The following ACADL variants were observed in gnomAD, a reference collection of about 807,000 sequenced individuals.
The protein encoded by ACADL is long-chain specific acyl-CoA dehydrogenase, mitochondrial.
A neutral mutation model predicts 56.9 loss-of-function variants in ACADL; 60 were observed. That is an observed-to-expected ratio of 1.05 (90% CI 0.86 to 1.31). The LOEUF is 1.31. ACADL is among the 50% of genes most tolerant of loss of function. The pLI is 0.00. For missense variants in ACADL, 484 were observed against 525.5 expected, an observed-to-expected ratio of 0.92 and a Z score of 0.77; for synonymous variants, 158 against 179.7, an observed-to-expected ratio of 0.88 and a Z score of 0.97.
At chr2:210,219,362 G>A (rs965644339) in intron 2 of ACADL, among the ~76,000 whole-genome samples, 1 of 152,168 alleles carries the variant, frequency 6.6e-6, no homozygotes, top group Non-Finnish European at 1.5e-5. Flanking sequence ...ACTTTGGGAG[G>A]CTAAGGCAGG....
At chr2:210,193,680 G>T (rs909729949) in intron 9 of ACADL, among the ~76,000 whole-genome samples, 3 of 151,666 alleles carry the variant, frequency 2.0e-5, no homozygotes, top group Admixed American at 1.3e-4. Flanking sequence ...TTGTGAGTCT[G>T]TTTTAGTGAT....
chr2:210,220,657 G>A lies in ACADL; in HGVS notation c.223C>T (p.His75Tyr), dbSNP rs751540610. Residue 75 changes from histidine (H) to tyrosine (Y), a missense_variant, in exon 2 of 11, where the codon CAT becomes TAT. By Grantham distance (83) the His-to-Tyr change is moderately conservative. Coordinates refer to ENST00000233710, the MANE Select transcript of ACADL (RefSeq NM_001608.4). ...RKFFQEEVIPHHSEWEKAGEV... is the reference protein window; with the variant it reads ...RKFFQEEVIPYHSEWEKAGEV... ...AAATGTGCCACTTACTCTGAGTGAT[G>A]AGGAATCACTTCTTCTTGGAAAAAC... The A allele has an allele frequency of 5.0e-6, 8 of 1,613,044 alleles. No individual in the cohort carries two copies. In the East Asian group the frequency reaches 1.8e-4, roughly 36 times the overall value.
intron 2 of ACADL, among the ~76,000 whole-genome samples, chr2:210,219,496 A>T (rs1689141502): frequency 6.6e-6 from 1 of 152,130 alleles, no homozygotes; most frequent in African/African-American, 2.4e-5. Context: ...CAAACAAACA[A>T]GTCCTCAAAA....
chr2:210,224,983 AC>A (rs1430577667), intron 1 of ACADL: 1 of 1,391,836 alleles, frequency 7.2e-7, no homozygotes, highest in Admixed American at 3.4e-5. Context: ...CACGGCTGAC[AC>A]CCCTTTTTCC....
At position 210,220,772 on chromosome 2, in the gene ACADL, T is replaced by C. The variant is rs1306336816; in HGVS notation, c.108A>G (p.Leu36=). Residue 36 remains leucine, a synonymous_variant, in exon 2 of 11, where the codon CTA becomes CTG. Coordinates refer to ENST00000233710, the MANE Select transcript of ACADL (RefSeq NM_001608.4). ...TTAATTTTTTAGCAGAAGGAGTTTCTAGACGTTCTTCCCCTCCGGAATGAG... is the reference window on the plus strand; with the variant it reads ...TTAATTTTTTAGCAGAAGGAGTTTCCAGACGTTCTTCCCCTCCGGAATGAG... ...RCSHSGGEER[L]ETPSAKKLTD... 1.2e-6 allele frequency: 2 copies of C among 1,610,448 alleles called. No individual in the cohort carries two copies. Among genetic ancestry groups the C allele is most frequent in the Non-Finnish European group, 1.7e-6 (2 of 1,178,218 alleles).
intron 1 of ACADL, among the ~76,000 whole-genome samples, chr2:210,221,691 T>A (rs575020861): frequency 6.6e-6 from 1 of 152,026 alleles, no homozygotes; most frequent in East Asian, 1.9e-4. Flanking sequence ...AAAGGGTTTT[T>A]AAAAAAATAA....
rs201509622 is a variant in ACADL at position 210,212,135 on chromosome 2, ATT to A, written c.537-1875_537-1874del. ...GGCGTGAGCCACCGCACCTGGTTGC[ATT>A]TTTTTTTTTTTTAAATCACTCTCTG... On this transcript the variant is annotated intron_variant, in intron 4 of 10. Coordinates refer to ENST00000233710, the MANE Select transcript of ACADL (RefSeq NM_001608.4). Among the ~76,000 whole-genome samples the A allele has an allele frequency of 1.2e-3, 173 of 145,674 alleles. 1 individual carries two copies. The highest frequency in any genetic ancestry group is 2.9e-3 in the African/African-American group (115 of 39,500).
intron 1 of ACADL, among the ~76,000 whole-genome samples, chr2:210,224,154 G>A (rs1689227132): frequency 6.7e-6 from 1 of 150,020 alleles, no homozygotes; most frequent in African/African-American, 2.5e-5. Context: ...CACGGGAGGC[G>A]GAGGTTGCAG....
chr2:210,198,640 A>G (rs1688748758), intron 8 of ACADL, among the ~76,000 whole-genome samples: 1 of 152,124 alleles, frequency 6.6e-6, no homozygotes, highest in Admixed American at 6.6e-5. Flanking sequence ...TAAAGAGTGT[A>G]GGTTCTGGAA....
chr2:210,220,507 G>T (rs1575682502), intron 2 of ACADL, 140 bp downstream of exon 2: 1 of 718,892 alleles, frequency 1.4e-6, no homozygotes, highest in East Asian at 2.7e-5. Flanking sequence ...GGATCTTATA[G>T]TACTACAGTG....
At chr2:210,194,941 T>G (rs1688684008) in intron 9 of ACADL, among the ~76,000 whole-genome samples, 1 of 152,192 alleles carries the variant, frequency 6.6e-6, no homozygotes, top group Non-Finnish European at 1.5e-5. Flanking sequence ...CCACTCTTAA[T>G]ATTTTATTTT....
At chr2:210,190,097 A>T (rs2125707468) in intron 10 of ACADL, among the ~76,000 whole-genome samples, 1 of 152,156 alleles carries the variant, frequency 6.6e-6, no homozygotes, top group South Asian at 2.1e-4. Flanking sequence ...AAGACAAATT[A>T]AATGTGCCAG....
intron 3 of ACADL, 49 bp downstream of exon 3, chr2:210,217,916 G>A (rs2125717510): frequency 1.2e-6 from 2 of 1,601,886 alleles, no homozygotes; most frequent in Non-Finnish European, 1.7e-6. Flanking sequence ...AGAAAGGTGA[G>A]TGGTGTGTTT....
At chr2:210,218,927 G>A (rs1287811931) in intron 2 of ACADL, among the ~76,000 whole-genome samples, 1 of 152,192 alleles carries the variant, frequency 6.6e-6, no homozygotes, top group Non-Finnish European at 1.5e-5. Flanking sequence ...TTAGATATTT[G>A]TGTAAGGTAG....
intron 9 of ACADL, among the ~76,000 whole-genome samples, chr2:210,193,295 C>G (rs1057289172): frequency 6.6e-6 from 1 of 152,056 alleles, no homozygotes; most frequent in Non-Finnish European, 1.5e-5. Context: ...ATTTTTTCTC[C>G]AATGATGTCA....
chr2:210,206,594 A>C (rs1456198415), intron 5 of ACADL, among the ~76,000 whole-genome samples: 1 of 152,172 alleles, frequency 6.6e-6, no homozygotes, highest in East Asian at 1.9e-4. Flanking sequence ...ATAGGAAACT[A>C]TGATTAAGGA....
intron 10 of ACADL, among the ~76,000 whole-genome samples, chr2:210,192,555 T>C (rs1688651015): frequency 6.6e-6 from 1 of 152,116 alleles, no homozygotes. Context: ...TACATAAGGA[T>C]TCAAATAAAG....
intron 8 of ACADL, among the ~76,000 whole-genome samples, chr2:210,200,239 A>G (rs1688772156): frequency 2.6e-5 from 4 of 152,214 alleles, no homozygotes; most frequent in African/African-American, 9.7e-5. Context: ...AGTTGAACAC[A>G]TTACCCTTAG....
chr2:210,198,138 T>C (rs1688738910), intron 8 of ACADL, among the ~76,000 whole-genome samples: 1 of 152,184 alleles, frequency 6.6e-6, no homozygotes, highest in Non-Finnish European at 1.5e-5. Flanking sequence ...TAAATAATAC[T>C]GCAGCTAGCA....
Sources: gnomAD v4.1 joint callset for allele counts (sites outside exome capture counted in the v4.1 genomes callset) on GRCh38, gnomAD v4.1.1 for gene constraint, MANE v1.5 for transcripts, NCBI Gene and HGNC (gene_info 2026-07-23, HGNC 2026-07-21) for gene names.